The following CSMD1 variants were observed in gnomAD, a reference collection of about 807,000 sequenced individuals.
CSMD1 encodes CUB and sushi domain-containing protein 1.
CSMD1 carries 213 observed loss-of-function variants against 417.5 expected under a neutral mutation model. The observed-to-expected ratio is 0.51, with a 90% CI of 0.46 to 0.57. The LOEUF (loss-of-function observed/expected upper bound fraction) is 0.57, where lower values mean the gene tolerates loss of function less well. Among genes scored for constraint, CSMD1 ranks in the 20% least tolerant of loss-of-function variants. The pLI, the probability that CSMD1 is intolerant of heterozygous loss-of-function variation, is 0.00. For missense variants in CSMD1, 6,923 were observed against 4,529.7 expected (o/e 1.53, Z -15.17); for synonymous variants, 2,862 against 1,736.8 (o/e 1.65, Z -16.11).
At chr8:4,054,471 G>A (rs902167758) in intron 3 of CSMD1, among the ~76,000 whole-genome samples, 4 of 152,062 alleles carry the variant, frequency 2.6e-5, no homozygotes, top group African/African-American at 7.2e-5. Context: ...TAGCAAGAAC[G>A]ACTGCATTTT....
chr8:4,349,820 CTT>C (rs35007995), intron 3 of CSMD1, among the ~76,000 whole-genome samples: 270 of 139,344 alleles, frequency 1.9e-3, no homozygotes, highest in East Asian at 0.012. Context: ...ATGATATGAC[CTT>C]TTTTTTTTTT....
chr8:3,745,709 C>T (rs1157298123), intron 6 of CSMD1, among the ~76,000 whole-genome samples: 1 of 152,198 alleles, frequency 6.6e-6, no homozygotes, highest in Non-Finnish European at 1.5e-5. Context: ...CGTTAACCTC[C>T]TCAGAGTAGA....
chr8:3,037,168 G>A lies in CSMD1; in HGVS notation c.7661-7655C>T, dbSNP rs117139733. Reference sequence around the variant, plus strand: ...AAGACATTATTTCATTCCTTTTTATGGCTGAGCAGTATTTCATAGTGCATA... The same window carrying A: ...AAGACATTATTTCATTCCTTTTTATAGCTGAGCAGTATTTCATAGTGCATA... On this transcript the variant is annotated intron_variant, in intron 50 of 69. Coordinates refer to ENST00000635120, the MANE Select transcript of CSMD1 (RefSeq NM_033225.6). Among the ~76,000 whole-genome samples, 13 of 152,170 alleles carry A rather than the reference G, an allele frequency of 8.5e-5. No homozygotes were observed. The East Asian group carries it at 2.5e-3, about 29-fold the overall frequency.
intron 1 of CSMD1, among the ~76,000 whole-genome samples, chr8:4,883,750 A>G (rs1803557752): frequency 6.6e-6 from 1 of 151,942 alleles, no homozygotes; most frequent in Admixed American, 6.6e-5. Context: ...TTATTTTTTC[A>G]CATTTTGGTT....
At chr8:3,723,498 G>A (rs760332391) in intron 6 of CSMD1, among the ~76,000 whole-genome samples, 1 of 152,136 alleles carries the variant, frequency 6.6e-6, no homozygotes, top group South Asian at 2.1e-4. Context: ...CAGATATTCC[G>A]AAAATCATAG....
At chr8:3,847,763 C>A (rs2975390) in intron 5 of CSMD1, among the ~76,000 whole-genome samples, 2 of 152,034 alleles carry the variant, frequency 1.3e-5, no homozygotes, top group South Asian at 4.2e-4. Context: ...TCCATATGTT[C>A]CTTTTTATCA....
chr8:3,347,965 C>A lies in CSMD1; in HGVS notation c.3474+27G>T, dbSNP rs758760968. 5 of 1,513,736 alleles carry A rather than the reference C, an allele frequency of 3.3e-6. No homozygotes were observed. In the South Asian group the frequency reaches 6.5e-5, roughly 20 times the overall value. 93.8% of individuals were successfully genotyped at this position (1,513,736 alleles called of 1,614,324 possible). ...ATTTTTTGAGAAGAAAACTTGGAGT[C>A]ATCATGTTGGAGAAGATTCTTTTTA... On this transcript the variant is annotated intron_variant, in intron 22 of 69. Transcript: ENST00000635120.
intron 1 of CSMD1, among the ~76,000 whole-genome samples, chr8:4,845,660 A>T (rs1801099665): frequency 6.6e-6 from 1 of 152,170 alleles, no homozygotes; most frequent in South Asian, 2.1e-4. Flanking sequence ...CACAGACGGG[A>T]AAGAAAGATG....
At chr8:4,231,610 A>T (rs11992223) in intron 3 of CSMD1, among the ~76,000 whole-genome samples, 1 of 151,958 alleles carries the variant, frequency 6.6e-6, no homozygotes. Flanking sequence ...TCCCCCAACA[A>T]ATGTTGAGTC....
chr8:3,314,830 A>G (rs1426388715), intron 23 of CSMD1, among the ~76,000 whole-genome samples: 8 of 152,316 alleles, frequency 5.3e-5, no homozygotes, highest in East Asian at 1.9e-4. Context: ...CTTCCAAATA[A>G]AGCACTTGTG....
intron 3 of CSMD1, among the ~76,000 whole-genome samples, chr8:4,302,044 A>C (rs994807764): frequency 6.6e-6 from 1 of 152,190 alleles, no homozygotes; most frequent in African/African-American, 2.4e-5. Flanking sequence ...TGAAATCCCT[A>C]ATTTTTTCAT....
chr8:3,099,729 C>T (rs1247094006), intron 46 of CSMD1, among the ~76,000 whole-genome samples: 1 of 152,168 alleles, frequency 6.6e-6, no homozygotes, highest in African/African-American at 2.4e-5. Context: ...AACCCAGAAG[C>T]AGCATTTTAA....
intron 15 of CSMD1, among the ~76,000 whole-genome samples, chr8:3,399,946 G>T (rs906473550): frequency 6.6e-6 from 1 of 152,144 alleles, no homozygotes; most frequent in Non-Finnish European, 1.5e-5. Flanking sequence ...CCTTAGGTGT[G>T]TGTATGCATG....
intron 3 of CSMD1, among the ~76,000 whole-genome samples, chr8:4,410,086 T>C (rs1796566490): frequency 1.3e-5 from 2 of 152,172 alleles, no homozygotes; most frequent in Non-Finnish European, 2.9e-5. Context: ...AGTGCTGGGA[T>C]TACAGCCATG....
intron 10 of CSMD1, among the ~76,000 whole-genome samples, chr8:3,545,249 A>G (rs569128101): frequency 2.6e-5 from 4 of 152,290 alleles, no homozygotes; most frequent in Non-Finnish European, 4.4e-5. Context: ...TGTGTCTATG[A>G]ACTTTTCTGA....
chr8:3,480,290 A>G (rs1420739425), intron 11 of CSMD1, among the ~76,000 whole-genome samples: 1 of 152,210 alleles, frequency 6.6e-6, no homozygotes, highest in Non-Finnish European at 1.5e-5. Flanking sequence ...TGAACCCAGG[A>G]GGCGGAGGAT....
At chr8:4,534,682 T>C (rs746196433) in intron 2 of CSMD1, among the ~76,000 whole-genome samples, 2 of 152,164 alleles carry the variant, frequency 1.3e-5, no homozygotes. Flanking sequence ...AGTGAGAACA[T>C]GTGGTATTTG....
intron 6 of CSMD1, among the ~76,000 whole-genome samples, chr8:3,735,180 A>T (rs969562453): frequency 1.3e-5 from 2 of 152,228 alleles, no homozygotes; most frequent in African/African-American, 4.8e-5. Context: ...TCCCTTGATC[A>T]GGCACACGGT....
Position 4,266,024 on chromosome 8 carries a change from C to G in CSMD1, c.415+153929G>C, listed in dbSNP as rs1301696420. Among the ~76,000 whole-genome samples the G allele has an allele frequency of 1.9e-5, 2 of 103,804 alleles. 1 individual carries two copies. The highest frequency in any genetic ancestry group is 5.3e-5 in the African/African-American group (2 of 38,058). 68.1% of individuals were successfully genotyped at this position (103,804 alleles called of 152,430 possible). A position where few individuals can be genotyped will look rare whatever the true frequency, so the allele number is the denominator to read the frequency against. ...TGTAAGTCATCCCAAACCGGCCCAC[C>G]GCACTCAGGCTCGCCCGGCATATTA... On this transcript the variant is annotated intron_variant, in intron 3 of 69. Transcript: ENST00000635120.
Sources: gnomAD v4.1 joint callset for allele counts (sites outside exome capture counted in the v4.1 genomes callset) on GRCh38, gnomAD v4.1.1 for gene constraint, MANE v1.5 for transcripts, NCBI Gene and HGNC (gene_info 2026-07-23, HGNC 2026-07-21) for gene names.